The following CCDC88C variants were observed in gnomAD, a reference collection of about 807,000 sequenced individuals.
The protein encoded by CCDC88C is coiled-coil and HOOK domain protein 88C.
CCDC88C carries 131 observed loss-of-function variants against 198.8 expected under a neutral mutation model. The observed-to-expected ratio is 0.66, with a 90% CI of 0.57 to 0.76. The LOEUF is 0.76. Ranked by LOEUF, CCDC88C falls within the 30% of genes least tolerant of loss-of-function variation. The probability of loss-of-function intolerance (pLI) is 0.00; values close to 1 mark genes in which losing one functional copy is unlikely to be tolerated. For missense variants in CCDC88C, 2,553 were observed against 2,631.6 expected, an observed-to-expected ratio of 0.97 and a Z score of 0.65; for synonymous variants, 1,166 against 1,114.7, an observed-to-expected ratio of 1.05 and a Z score of -0.92.
At chr14:91,414,365 C>T (rs1157540709) in intron 2 of CCDC88C, among the ~76,000 whole-genome samples, 1 of 152,142 alleles carries the variant, frequency 6.6e-6, no homozygotes, top group Non-Finnish European at 1.5e-5. Context: ...AAAAGGGAGG[C>T]CAAGGGTTTG....
chr14:91,356,065 G>A (rs1354867621), intron 4 of CCDC88C, among the ~76,000 whole-genome samples: 2 of 151,812 alleles, frequency 1.3e-5, no homozygotes, highest in African/African-American at 4.8e-5. Context: ...CCCCACCCCG[G>A]GCAACCATAC....
chr14:91,396,795 G>A (rs1178716520), intron 3 of CCDC88C, among the ~76,000 whole-genome samples: 1 of 152,098 alleles, frequency 6.6e-6, no homozygotes, highest in Non-Finnish European at 1.5e-5. Flanking sequence ...AGGAGTTCGA[G>A]ACCAGCCTGG....
chr14:91,277,493 A>G (rs939147482), intron 29 of CCDC88C, among the ~76,000 whole-genome samples: 2 of 152,238 alleles, frequency 1.3e-5, no homozygotes, highest in African/African-American at 4.8e-5. Context: ...AGAATTGAGT[A>G]GCTACAACAG....
intron 2 of CCDC88C, among the ~76,000 whole-genome samples, chr14:91,415,053 G>A (rs1483105269): frequency 6.6e-6 from 1 of 152,136 alleles, no homozygotes; most frequent in Non-Finnish European, 1.5e-5. Context: ...CCTCTGCCTG[G>A]GTGTAGGAGC....
intron 22 of CCDC88C, among the ~76,000 whole-genome samples, chr14:91,297,031 G>A (rs957535183): frequency 2.6e-5 from 4 of 152,172 alleles, no homozygotes; most frequent in Non-Finnish European, 5.9e-5. Context: ...TAAGAGGATC[G>A]AGATAAAACA....
chr14:91,380,120 T>C (rs1215734242), intron 3 of CCDC88C, among the ~76,000 whole-genome samples: 1 of 152,246 alleles, frequency 6.6e-6, no homozygotes, highest in Non-Finnish European at 1.5e-5. Context: ...TTTCCTCATA[T>C]TTGTTTTCCC....
At chr14:91,363,998 C>A (rs1246513969) in intron 3 of CCDC88C, among the ~76,000 whole-genome samples, 4 of 152,286 alleles carry the variant, frequency 2.6e-5, no homozygotes, top group African/African-American at 4.8e-5. Flanking sequence ...GAGGCAGGAC[C>A]ACACCAGGCT....
intron 1 of CCDC88C, 79 bp downstream of exon 1, chr14:91,417,552 T>G: frequency 1.5e-6 from 2 of 1,372,558 alleles, no homozygotes; most frequent in Non-Finnish European, 2.0e-6. Context: ...CCCGGCCGTG[T>G]CGGGTCTGCG....
chr14:91,286,024 T>A (rs576465785), intron 25 of CCDC88C, among the ~76,000 whole-genome samples: 6 of 152,148 alleles, frequency 3.9e-5, no homozygotes, highest in Non-Finnish European at 8.8e-5. Flanking sequence ...TCAGTAATCA[T>A]CTGTGCTCTG....
intron 15 of CCDC88C, among the ~76,000 whole-genome samples, chr14:91,310,873 G>T (rs944743875): frequency 6.6e-6 from 1 of 152,130 alleles, no homozygotes; most frequent in African/African-American, 2.4e-5. Context: ...CAAATCCTCA[G>T]ACCTGAACGG....
chr14:91,395,339 G>A (rs1885780569), intron 3 of CCDC88C, among the ~76,000 whole-genome samples: 1 of 152,140 alleles, frequency 6.6e-6, no homozygotes, highest in South Asian at 2.1e-4. Flanking sequence ...ACTGATTAAA[G>A]AAACGTCTTG....
At chr14:91,355,716 G>C (rs180780377) in intron 4 of CCDC88C, among the ~76,000 whole-genome samples, 175 of 151,600 alleles carry the variant, frequency 1.2e-3, no homozygotes, top group African/African-American at 4.2e-3. Flanking sequence ...TAGGAAGAGA[G>C]TGAACACCCT....
chr14:91,339,900 C>A lies in CCDC88C; in HGVS notation c.608G>T (p.Arg203Leu). 6.3e-7 allele frequency: 1 copy of A among 1,589,540 alleles called. No homozygotes were observed. Among genetic ancestry groups the A allele is most frequent in the East Asian group, 2.3e-5 (1 of 43,158 alleles). The change falls in exon 7 of 30, where the codon CGG becomes CTG. Residue 203 changes from arginine (R) to leucine (L), a missense_variant. Transcript: ENST00000389857. The surrounding 1 kb of genome is among the most constrained non-coding windows in gnomAD (Gnocchi z 5.8). ...CGGACGCACCTCGGTGCACTCGTCC[C>A]GCTGGTCGATGAGCCTCCGCAGGTG... is the stretch of plus-strand genomic sequence containing the variant. ...VLHLRRLIDQ[R>L]DECTELIVDL...
chr14:91,297,986 T>G (rs1193416484), intron 21 of CCDC88C, among the ~76,000 whole-genome samples: 1 of 152,222 alleles, frequency 6.6e-6, no homozygotes, highest in Admixed American at 6.5e-5. Flanking sequence ...TGGTGTGTAT[T>G]ATGTAAATCT....
At chr14:91,346,249 A>C (rs1893543272) in intron 4 of CCDC88C, among the ~76,000 whole-genome samples, 1 of 152,194 alleles carries the variant, frequency 6.6e-6, no homozygotes, top group African/African-American at 2.4e-5. Context: ...CAGAACTGGG[A>C]ACTGGGGGTT....
At chr14:91,383,163 G>A (rs1884908069) in intron 3 of CCDC88C, among the ~76,000 whole-genome samples, 1 of 152,212 alleles carries the variant, frequency 6.6e-6, no homozygotes, top group Non-Finnish European at 1.5e-5. Context: ...CTCACCATCT[G>A]TAGACTTGGA....
intron 3 of CCDC88C, among the ~76,000 whole-genome samples, chr14:91,377,446 A>G (rs1269463377): frequency 6.6e-6 from 1 of 151,998 alleles, no homozygotes; most frequent in Non-Finnish European, 1.5e-5. Flanking sequence ...AGTGGAGTTC[A>G]GGGGGTTAAG....
At chr14:91,293,232 C>A (rs1264359125) in intron 23 of CCDC88C, among the ~76,000 whole-genome samples, 1 of 105,776 alleles carries the variant, frequency 9.5e-6, no homozygotes, top group Non-Finnish European at 1.9e-5. Flanking sequence ...ACCTTCCTGC[C>A]CCCTCACCTG....
intron 27 of CCDC88C, 44 bp from the exon 28 acceptor site, chr14:91,279,350 G>C (rs2038586035): frequency 6.7e-7 from 1 of 1,498,670 alleles, no homozygotes; most frequent in African/African-American, 1.4e-5. Flanking sequence ...CCAATGACCA[G>C]GTATATCCCA....
Sources: gnomAD v4.1 joint callset for allele counts (sites outside exome capture counted in the v4.1 genomes callset) on GRCh38, gnomAD v4.1.1 for gene constraint, Gnocchi (gnomAD v3.1) non-coding constraint, MANE v1.5 for transcripts, NCBI Gene and HGNC (gene_info 2026-07-23, HGNC 2026-07-21) for gene names.